The following KIF1B variants were observed in gnomAD, a reference collection of about 807,000 sequenced individuals.
KIF1B encodes kinesin family member 1B, also known as kinesin-like protein KIF1B.
In KIF1B, 76 loss-of-function variants were observed where a neutral mutation model predicts 241.9. The observed-to-expected ratio is 0.31, with a 90% CI of 0.26 to 0.38. The LOEUF (loss-of-function observed/expected upper bound fraction) is 0.38, where lower values mean the gene tolerates loss of function less well. Ranked by LOEUF, KIF1B falls within the 10% of genes least tolerant of loss-of-function variation. The pLI, the probability that KIF1B is intolerant of heterozygous loss-of-function variation, is 1.00. For synonymous variants in KIF1B, 750 were observed against 796.7 expected (o/e 0.94, Z 0.99); for missense variants, 1,622 against 2,271.4 (o/e 0.71, Z 5.81).
chr1:10,339,962 A>AT, intron 32 of KIF1B, 103 bp downstream of exon 32: 1 of 952,142 alleles, frequency 1.1e-6, no homozygotes, highest in Admixed American at 2.0e-5. Flanking sequence ...CTGGCTGTGC[A>AT]GGGGGAGAGT....
intron 25 of KIF1B, among the ~76,000 whole-genome samples, chr1:10,324,519 C>T (rs760636227): frequency 6.6e-6 from 1 of 152,060 alleles, no homozygotes; most frequent in African/African-American, 2.4e-5. Flanking sequence ...ACTTTTCACC[C>T]GGTAGAGGAT....
In KIF1B at chr1:10,303,709, G is replaced by A. The variant is rs763357131; in HGVS notation, c.2115+6463G>A. ...CAAAAAGCAAAATAACATGAAAGAC[G>A]AGGAGATAAAAGTCTTAAGAAATAA... On this transcript the variant is annotated intron_variant, in intron 22 of 48. Coordinates refer to ENST00000676179, the MANE Select transcript of KIF1B (RefSeq NM_001365951.3). This position sits in a 1 kb window ranked among gnomAD's most constrained non-coding sequence, Gnocchi z 5.2. 8.1e-6 allele frequency: 13 copies of A among 1,614,046 alleles called. No homozygotes were observed. In the Admixed American group the frequency reaches 1.0e-4, roughly 12 times the overall value.
intron 2 of KIF1B, among the ~76,000 whole-genome samples, chr1:10,254,274 T>C (rs1197087283): frequency 6.6e-6 from 1 of 152,232 alleles, no homozygotes; most frequent in Non-Finnish European, 1.5e-5. Flanking sequence ...GTCAAAAAAG[T>C]AATTTTGCTG....
At chr1:10,263,225 A>G (rs1392027241) in intron 5 of KIF1B, among the ~76,000 whole-genome samples, 1 of 151,900 alleles carries the variant, frequency 6.6e-6, no homozygotes, top group Non-Finnish European at 1.5e-5. Context: ...CAGAGGTTAC[A>G]GTGAGCCGAG....
intron 1 of KIF1B, among the ~76,000 whole-genome samples, chr1:10,214,952 C>T (rs961521887): frequency 2.6e-5 from 4 of 151,492 alleles, no homozygotes; most frequent in African/African-American, 9.7e-5. Context: ...AATTTAGTAT[C>T]CTGATATGGT....
chr1:10,380,005 C>T lies in KIF1B; in HGVS notation c.*3418C>T, dbSNP rs559140260. On this transcript the variant is annotated 3_prime_UTR_variant, in exon 49 of 49. Coordinates refer to ENST00000676179, the MANE Select transcript of KIF1B (RefSeq NM_001365951.3). ...GAAACCACTATTATATATTTTTTCC[C>T]TTCAGTCACATAGACTTCAGACAAC... is the stretch of plus-strand genomic sequence containing the variant. 2.0e-4 allele frequency: 46 copies of T among 229,436 alleles called. 1 individual carries two copies. In the South Asian group the frequency reaches 2.7e-3, roughly 14 times the overall value. The allele number at this position is 229,436 out of a possible 1,614,324, so 14.2% of individuals were successfully genotyped here.
chr1:10,345,795 G>C, intron 34 of KIF1B, 50 bp from the exon 35 acceptor site: 2 of 1,311,356 alleles, frequency 1.5e-6, no homozygotes, highest in African/African-American at 2.9e-5. Context: ...TTGTATTTTT[G>C]CTGAGTAGTC....
chr1:10,282,360 C>A lies in KIF1B; in HGVS notation c.1261C>A (p.Leu421Ile). 6.2e-7 allele frequency: 1 copy of A among 1,614,138 alleles called. No individual in the cohort carries two copies. The highest frequency in any genetic ancestry group is 8.5e-7 in the Non-Finnish European group (1 of 1,180,006). The part of the protein sequence containing the change: ...DFQNNKHRYL[L>I]ASENQRPGHF... Reference sequence around the variant, plus strand: ...TCAGAACAATAAGCATAGATACTTGCTAGCCTCTGAGAATCAACGCCCTGG... The same window carrying A: ...TCAGAACAATAAGCATAGATACTTGATAGCCTCTGAGAATCAACGCCCTGG... Residue 421 changes from leucine to isoleucine, a missense_variant, in exon 15 of 49, where the codon CTA becomes ATA. Around this residue, in one of 7 missense-constraint regions of KIF1B, gnomAD observed 201 missense variants for 301.2 expected, o/e 0.67. Transcript: ENST00000676179.
In KIF1B at chr1:10,345,866, C is replaced by T. The variant is rs1248093173; in HGVS notation, c.3710C>T (p.Thr1237Met). 3.1e-6 allele frequency: 5 copies of T among 1,614,060 alleles called. No homozygotes were observed. The highest frequency in any genetic ancestry group is 1.7e-5 in the Admixed American group (1 of 60,006). The change falls in exon 35 of 49, where the codon ACG (threonine) becomes ATG (methionine). Residue 1237 changes from threonine to methionine, a missense_variant. Coordinates refer to ENST00000676179, the MANE Select transcript of KIF1B (RefSeq NM_001365951.3). ...SKPVPATKLN[T>M]MSKTSLGQSM... ...AAAGTTCCAGCCACCAAGTTAAACA[C>T]GATGAGCAAAACCAGCCTTGGCCAG...
intron 22 of KIF1B, among the ~76,000 whole-genome samples, chr1:10,298,609 G>A (rs1650382918): frequency 6.6e-6 from 1 of 152,108 alleles, no homozygotes; most frequent in African/African-American, 2.4e-5. Context: ...AAAGGTTTGT[G>A]ACACAAGAAG....
intron 7 of KIF1B, among the ~76,000 whole-genome samples, chr1:10,269,088 A>G (rs1315952460): frequency 6.6e-6 from 1 of 152,218 alleles, no homozygotes; most frequent in Non-Finnish European, 1.5e-5. Flanking sequence ...GCTTCAAGTT[A>G]GGTTTATTGT....
At chr1:10,239,163 C>T (rs958170459) in intron 2 of KIF1B, among the ~76,000 whole-genome samples, 1 of 152,110 alleles carries the variant, frequency 6.6e-6, no homozygotes, top group Non-Finnish European at 1.5e-5. Context: ...CCATGTTGCC[C>T]ATGCTGGTCC....
At chr1:10,285,422 C>T (rs1649638181) in intron 15 of KIF1B, among the ~76,000 whole-genome samples, 1 of 152,150 alleles carries the variant, frequency 6.6e-6, no homozygotes, top group Admixed American at 6.5e-5. Context: ...CAGTGTCTTC[C>T]AAATAATTTC....
intron 45 of KIF1B, among the ~76,000 whole-genome samples, chr1:10,373,267 T>G (rs1410363297): frequency 1.3e-5 from 2 of 150,840 alleles, no homozygotes; most frequent in African/African-American, 4.9e-5. Context: ...CTTTTTTTTT[T>G]TTTTTTGAGA....
In KIF1B at chr1:10,215,356, A is replaced by G. The variant is rs1571078899; in HGVS notation, c.-80+4478A>G. Among the ~76,000 whole-genome samples the G allele has an allele frequency of 4.7e-5, 7 of 149,894 alleles. 1 individual carries two copies. Among genetic ancestry groups the G allele is most frequent in the African/African-American group, 1.7e-4 (7 of 40,736 alleles). On this transcript the variant is annotated intron_variant, in intron 1 of 48. Transcript: ENST00000676179. ...CACGCCCAGCTAATTTTGTATTTTT[A>G]GTAAAGTAGGGGTTTCTCCATGTTG...
In KIF1B at chr1:10,376,757, C is replaced by T; in HGVS notation, c.*170C>T. 1.5e-6 allele frequency: 1 copy of T among 682,940 alleles called. No individual in the cohort carries two copies. The highest frequency in any genetic ancestry group is 1.5e-5 in the South Asian group (1 of 65,438). 42.3% of individuals were successfully genotyped at this position (682,940 alleles called of 1,614,324 possible). A position where few individuals can be genotyped will look rare whatever the true frequency, so the allele number is the denominator to read the frequency against. On this transcript the variant is annotated 3_prime_UTR_variant, in exon 49 of 49. Transcript: ENST00000676179. ...TCTCCCGTTCCCCATCTCCATTGCTCTGTACTCTTTTCTTTTTTCTTGTGC... is the reference window on the plus strand; with the variant it reads ...TCTCCCGTTCCCCATCTCCATTGCTTTGTACTCTTTTCTTTTTTCTTGTGC...
At chr1:10,233,101 C>G (rs78878600) in intron 2 of KIF1B, among the ~76,000 whole-genome samples, 1 of 152,144 alleles carries the variant, frequency 6.6e-6, no homozygotes, top group Admixed American at 6.6e-5. Flanking sequence ...CTTTCAGGCA[C>G]AAGTTACTGC....
At position 10,365,574 on chromosome 1, in the gene KIF1B, C is replaced by G. The variant is rs202243662; in HGVS notation, c.4678C>G (p.Pro1560Ala). 1.9e-6 allele frequency: 3 copies of G among 1,614,066 alleles called. No homozygotes were observed. In the African/African-American group the frequency reaches 4.0e-5, roughly 22 times the overall value. The part of the protein sequence containing the change: ...STTTFESAIT[P>A]SESSGYDSGD... ...CACTACCTTTGAAAGCGCCATCACA[C>G]CTAGCGAGAGCAGTGGCTATGATTC... Residue 1560 changes from proline (P) to alanine (A), a missense_variant, in exon 43 of 49, where the codon CCT becomes GCT. This residue lies in a region of KIF1B where 357 missense variants were observed against 409.0 expected (regional missense o/e 0.87). Coordinates refer to ENST00000676179, the MANE Select transcript of KIF1B (RefSeq NM_001365951.3). This position sits in a 1 kb window ranked among gnomAD's most constrained non-coding sequence, Gnocchi z 4.0.
At chr1:10,315,121 G>A (rs7553935) in intron 22 of KIF1B, among the ~76,000 whole-genome samples, 49,143 of 148,210 alleles carry the variant, frequency 0.33, 8,698 homozygotes, top group Middle Eastern at 0.38. Context: ...AGATATCATG[G>A]CAGTTTACCC....
Sources: gnomAD v4.1 joint callset for allele counts (sites outside exome capture counted in the v4.1 genomes callset) on GRCh38, gnomAD v4.1.1 for gene constraint, gnomAD v4.1.1 regional missense constraint, Gnocchi (gnomAD v3.1) non-coding constraint, MANE v1.5 for transcripts, NCBI Gene and HGNC (gene_info 2026-07-23, HGNC 2026-07-21) for gene names.